CTNNA2: variants seen among roughly 807,000 people sequenced by gnomAD.
CTNNA2 encodes the protein catenin alpha 2, also known as catenin alpha-2.
Under a neutral mutation model 101.0 loss-of-function variants are expected in CTNNA2, and 42 were observed. The ratio of observed to expected loss-of-function variants is 0.42; its 90% CI spans 0.32 to 0.54. The LOEUF (loss-of-function observed/expected upper bound fraction) is 0.54. Among genes scored for constraint, CTNNA2 ranks in the 20% least tolerant of loss-of-function variants. CTNNA2 has a pLI of 0.14. For missense variants in CTNNA2, 871 were observed against 1,223.1 expected, an observed-to-expected ratio of 0.71 and a Z score of 4.29; for synonymous variants, 450 against 456.4, an observed-to-expected ratio of 0.99 and a Z score of 0.18.
chr2:80,590,555 T>C (rs909310061), intron 15 of CTNNA2, among the ~76,000 whole-genome samples: 2 of 152,226 alleles, frequency 1.3e-5, no homozygotes, highest in African/African-American at 4.8e-5. Flanking sequence ...GTGACAACTT[T>C]TTTTAATGGT....
chr2:80,436,553 G>T (rs1027547729), intron 9 of CTNNA2, among the ~76,000 whole-genome samples: 4 of 152,096 alleles, frequency 2.6e-5, no homozygotes, highest in Non-Finnish European at 4.4e-5. Context: ...CAATGTTTGT[G>T]ACCCTCTGTT....
At chr2:79,828,498 A>G (rs1382616897) in intron 3 of CTNNA2, among the ~76,000 whole-genome samples, 1 of 152,212 alleles carries the variant, frequency 6.6e-6, no homozygotes, top group Non-Finnish European at 1.5e-5. Context: ...GTGATGTCTT[A>G]AAGGAGAATG....
chr2:80,014,179 A>C (rs72922673), intron 7 of CTNNA2, among the ~76,000 whole-genome samples: 51 of 152,224 alleles, frequency 3.4e-4, no homozygotes, highest in African/African-American at 1.2e-3. Context: ...CACTGTACTC[A>C]TTATTTTTAT....
intron 2 of CTNNA2, among the ~76,000 whole-genome samples, chr2:79,281,276 A>G: frequency 6.6e-6 from 1 of 152,132 alleles, no homozygotes. Flanking sequence ...TCTTGATCAG[A>G]TGACGCAAGA....
intron 3 of CTNNA2, among the ~76,000 whole-genome samples, chr2:79,844,719 G>A (rs967592461): frequency 1.3e-5 from 2 of 152,184 alleles, no homozygotes; most frequent in African/African-American, 4.8e-5. Context: ...ATGTTAGGAG[G>A]TTAGAGATGC....
In CTNNA2 at chr2:80,169,989, A is replaced by AT. The variant is rs575453253; in HGVS notation, c.1057-223221dup. On this transcript the variant is annotated intron_variant, in intron 7 of 18. Transcript: ENST00000402739. ...GAACTAAATGAGGAAACAAGGAAGC[A>AT]TGGAAAAGTGTTGGCACAGTGCCTA... is the stretch of plus-strand genomic sequence containing the variant. Among the ~76,000 whole-genome samples the AT allele has an allele frequency of 5.8e-3, 881 of 152,312 alleles. 4 individuals carry two copies. The highest frequency in any genetic ancestry group is 0.034 in the Middle Eastern group (10 of 294).
chr2:79,438,208 A>AC (rs1460480043), intron 4 of CTNNA2, among the ~76,000 whole-genome samples: 1 of 152,076 alleles, frequency 6.6e-6, no homozygotes, highest in Non-Finnish European at 1.5e-5. Flanking sequence ...GGCTGGAATT[A>AC]CCCCAAAGCT....
At chr2:79,837,773 T>C (rs1164675172) in intron 3 of CTNNA2, among the ~76,000 whole-genome samples, 1 of 152,174 alleles carries the variant, frequency 6.6e-6, no homozygotes, top group Non-Finnish European at 1.5e-5. Context: ...AAATCAACAG[T>C]TGGAAATGTT....
At position 79,852,296 on chromosome 2, in the gene CTNNA2, A is replaced by AT. The variant is rs931574368; in HGVS notation, c.299-5710dup. ...TGCTCTTTTGGCTTCTTTTAATTGT[A>AT]TTTTTTTAGTTCTCTTAAGGAGCAC... is the stretch of plus-strand genomic sequence containing the variant. On this transcript the variant is annotated intron_variant, in intron 3 of 18. Coordinates refer to ENST00000402739, the MANE Select transcript of CTNNA2 (RefSeq NM_001282597.3). Among the ~76,000 whole-genome samples, 107 of 152,158 alleles carry AT rather than the reference A, an allele frequency of 7.0e-4. 1 individual carries two copies. The highest frequency in any genetic ancestry group is 3.7e-3 in the Admixed American group (57 of 15,276).
intron 7 of CTNNA2, among the ~76,000 whole-genome samples, chr2:80,373,428 CA>C (rs2149336896): frequency 6.6e-6 from 1 of 152,270 alleles, no homozygotes; most frequent in Non-Finnish European, 1.5e-5. Flanking sequence ...GGATAGGTAT[CA>C]TATAGTTACC....
intron 4 of CTNNA2, among the ~76,000 whole-genome samples, chr2:79,380,020 T>C (rs1392780146): frequency 1.3e-5 from 2 of 152,196 alleles, no homozygotes; most frequent in African/African-American, 4.8e-5. Context: ...GTTCTGTTAA[T>C]GTTGTTTATA....
intron 4 of CTNNA2, among the ~76,000 whole-genome samples, chr2:79,405,587 A>T (rs536574129): frequency 2.0e-5 from 3 of 152,092 alleles, no homozygotes; most frequent in Non-Finnish European, 4.4e-5. Flanking sequence ...CAGCCTCCCA[A>T]AGTGCTGGGA....
At chr2:79,857,551 G>A (rs542564865) in intron 3 of CTNNA2, among the ~76,000 whole-genome samples, 2 of 152,286 alleles carry the variant, frequency 1.3e-5, no homozygotes, top group Non-Finnish European at 2.9e-5. Context: ...GTTCTTGTCT[G>A]ATTAGCTCAA....
At chr2:80,159,829 A>G (rs771894067) in intron 7 of CTNNA2, among the ~76,000 whole-genome samples, 4 of 152,140 alleles carry the variant, frequency 2.6e-5, no homozygotes, top group South Asian at 2.1e-4. Context: ...AAAGTTTTCA[A>G]TTTTGAAGTT....
At chr2:79,939,340 C>T (rs1436392286) in intron 7 of CTNNA2, among the ~76,000 whole-genome samples, 1 of 152,178 alleles carries the variant, frequency 6.6e-6, no homozygotes, top group African/African-American at 2.4e-5. Context: ...TATTTTCCAT[C>T]CGTCTGTCCA....
chr2:79,806,985 C>T (rs574396245), intron 3 of CTNNA2, among the ~76,000 whole-genome samples: 36 of 152,146 alleles, frequency 2.4e-4, no homozygotes, highest in East Asian at 1.4e-3. Context: ...ATTCCTCCAA[C>T]GCCCCTGTTT....
In CTNNA2 at chr2:79,651,615, G is replaced by A. The variant is rs925572513; in HGVS notation, c.59G>A (p.Arg20Gln). 16 of 1,613,798 alleles carry A rather than the reference G, an allele frequency of 9.9e-6. No homozygotes were observed. The highest frequency in any genetic ancestry group is 6.7e-5 in the Admixed American group (4 of 59,944). The change falls in exon 2 of 19, where the codon CGG becomes CAG. Residue 20 changes from arginine (R) to glutamine (Q), a missense_variant. This residue lies in a region of CTNNA2 where 647 missense variants were observed against 831.5 expected (regional missense o/e 0.78). Transcript: ENST00000402739. ...TGGGACCCCAAAAGTTTGGAAATCC[G>A]GACGCTAACAGTGGAAAGGCTGTTG... Reference protein sequence around the residue: ...LKWDPKSLEIRTLTVERLLEP... With the variant: ...LKWDPKSLEIQTLTVERLLEP...
chr2:80,412,379 T>C (rs771281180), intron 8 of CTNNA2, among the ~76,000 whole-genome samples: 1 of 152,236 alleles, frequency 6.6e-6, no homozygotes, highest in Non-Finnish European at 1.5e-5. Context: ...ATTTGTTTAA[T>C]CTATACAAAT....
intron 7 of CTNNA2, among the ~76,000 whole-genome samples, chr2:80,299,861 T>C (rs1676084251): frequency 6.6e-6 from 1 of 152,184 alleles, no homozygotes; most frequent in South Asian, 2.1e-4. Flanking sequence ...AGCTCTTTAA[T>C]GCACCAAGCC....
Sources: allele counts gnomAD v4.1 joint callset (sites outside exome capture counted in the v4.1 genomes callset), GRCh38; gene constraint gnomAD v4.1.1; regional missense constraint gnomAD v4.1.1; transcripts MANE v1.5; gene names NCBI Gene and HGNC (gene_info 2026-07-23, HGNC 2026-07-21).